ADAMTS20: variants seen among roughly 807,000 people sequenced by gnomAD.
ADAMTS20 encodes ADAM metallopeptidase with thrombospondin type 1 motif 20.
Under a neutral mutation model 260.1 loss-of-function variants are expected in ADAMTS20, and 225 were observed. That is an observed-to-expected ratio of 0.87 (90% CI 0.78 to 0.97). The LOEUF is 0.97. Among genes scored for constraint, ADAMTS20 ranks in the 50% least tolerant of loss-of-function variants. ADAMTS20 has a pLI of 0.00. For synonymous variants in ADAMTS20, 802 were observed against 769.5 expected (o/e 1.04, Z -0.70); for missense variants, 2,400 against 2,337.7 (o/e 1.03, Z -0.55).
chr12:43,493,209 G>T lies in ADAMTS20; in HGVS notation c.912C>A (p.His304Gln). The T allele has an allele frequency of 6.4e-7, 1 of 1,562,688 alleles. No homozygotes were observed. The highest frequency in any genetic ancestry group is 2.3e-5 in the East Asian group (1 of 42,890). Residue 304 changes from histidine (H) to glutamine (Q), a missense_variant, in exon 5 of 39, where the codon CAC becomes CAA. Coordinates refer to ENST00000389420, the MANE Select transcript of ADAMTS20 (RefSeq NM_025003.5). Reference protein sequence around the residue: ...YKDPSIGNLIHIVVVKLVMIH... With the variant: ...YKDPSIGNLIQIVVVKLVMIH... ...TCATAACTAATTTTACCACTACTATGTGTATCAAATTTCCAATACTTGGAT... is the reference window on the plus strand; with the variant it reads ...TCATAACTAATTTTACCACTACTATTTGTATCAAATTTCCAATACTTGGAT...
In ADAMTS20 at chr12:43,432,659, T is replaced by A; in HGVS notation, c.2873A>T (p.Gln958Leu). ...YCGDQLKPPT[Q>L]ELCHGNCVFT... Reference sequence around the variant, plus strand: ...GACACAGTTACCATGGCATAGTTCTTGGGTAGGAGGTTTAAGCTGGTCACC... The same window carrying A: ...GACACAGTTACCATGGCATAGTTCTAGGGTAGGAGGTTTAAGCTGGTCACC... The change falls in exon 20 of 39, where the codon CAA becomes CTA. Residue 958 changes from glutamine (Q) to leucine (L), a missense_variant. Gln to Leu is a moderately radical substitution (Grantham distance 113). Transcript: ENST00000389420. 6.2e-7 allele frequency: 1 copy of A among 1,613,984 alleles called. No individual in the cohort carries two copies. The highest frequency in any genetic ancestry group is 2.2e-5 in the East Asian group (1 of 44,868).
chr12:43,534,299 C>A (rs1943263825), intron 2 of ADAMTS20, among the ~76,000 whole-genome samples: 1 of 151,272 alleles, frequency 6.6e-6, no homozygotes, highest in African/African-American at 2.4e-5. Flanking sequence ...CAAACAACCC[C>A]ATCAAAAAGT....
At chr12:43,386,425 CT>C (rs1013561804) in intron 29 of ADAMTS20, among the ~76,000 whole-genome samples, 1 of 152,086 alleles carries the variant, frequency 6.6e-6, no homozygotes, top group African/African-American at 2.4e-5. Context: ...ACATTTTTTC[CT>C]TCATTTCAAC....
chr12:43,510,824 T>G (rs910967162), intron 3 of ADAMTS20, among the ~76,000 whole-genome samples: 3 of 152,032 alleles, frequency 2.0e-5, no homozygotes, highest in Non-Finnish European at 4.4e-5. Flanking sequence ...AAAATAATAA[T>G]AAGAATATAA....
intron 11 of ADAMTS20, among the ~76,000 whole-genome samples, chr12:43,460,225 CT>C: frequency 6.6e-6 from 1 of 152,316 alleles, no homozygotes; most frequent in East Asian, 1.9e-4. Flanking sequence ...TGCATTGGCT[CT>C]AAAGTAAATC....
intron 15 of ADAMTS20, among the ~76,000 whole-genome samples, chr12:43,446,140 A>C (rs2137338142): frequency 6.6e-6 from 1 of 152,300 alleles, no homozygotes; most frequent in East Asian, 1.9e-4. Flanking sequence ...AACATTTTCT[A>C]TGTACTATTA....
At chr12:43,382,854 A>T (rs1940383684) in intron 31 of ADAMTS20, among the ~76,000 whole-genome samples, 1 of 152,112 alleles carries the variant, frequency 6.6e-6, no homozygotes, top group Admixed American at 6.6e-5. Flanking sequence ...TGGGGATCAG[A>T]CATCAGAAAG....
intron 7 of ADAMTS20, among the ~76,000 whole-genome samples, chr12:43,474,937 G>A (rs1321280689): frequency 1.2e-5 from 1 of 80,714 alleles, no homozygotes. Flanking sequence ...CACAAGACAG[G>A]GATGCCCTCT....
At chr12:43,376,776 C>G in intron 32 of ADAMTS20, 123 bp from the exon 33 acceptor site, 2 of 1,096,686 alleles carry the variant, frequency 1.8e-6, no homozygotes, top group South Asian at 3.8e-5. Flanking sequence ...TGGCTAGATA[C>G]ACAGAAGACA....
chr12:43,353,554 A>G (rs1412927763), downstream of ADAMTS20, among the ~76,000 whole-genome samples: 1 of 152,006 alleles, frequency 6.6e-6, no homozygotes, highest in African/African-American at 2.4e-5. Flanking sequence ...AAAATTTTTT[A>G]TTTACTATTT....
At chr12:43,518,092 A>T (rs1943022879) in intron 3 of ADAMTS20, among the ~76,000 whole-genome samples, 1 of 152,030 alleles carries the variant, frequency 6.6e-6, no homozygotes, top group Admixed American at 6.6e-5. Flanking sequence ...TTAATGCTAT[A>T]TCCCAAAGTT....
intron 36 of ADAMTS20, among the ~76,000 whole-genome samples, chr12:43,371,081 ATGATC>A (rs1254834946): frequency 6.6e-6 from 1 of 152,182 alleles, no homozygotes; most frequent in Non-Finnish European, 1.5e-5. Context: ...ACTGTTCTTC[ATGATC>A]TGCTCCCTGC....
At chr12:43,422,425 A>G (rs1419437883) in intron 28 of ADAMTS20, among the ~76,000 whole-genome samples, 1 of 151,996 alleles carries the variant, frequency 6.6e-6, no homozygotes, top group African/African-American at 2.4e-5. Flanking sequence ...TCTAATATGC[A>G]CCAACACTGA....
chr12:43,466,850 G>A, intron 8 of ADAMTS20, 55 bp from the exon 9 acceptor site: 1 of 1,292,392 alleles, frequency 7.7e-7, no homozygotes, highest in African/African-American at 1.5e-5. Context: ...TACGATATTA[G>A]TAATAGATCC....
chr12:43,540,515 AT>A (rs1943362104), intron 2 of ADAMTS20, among the ~76,000 whole-genome samples: 1 of 152,202 alleles, frequency 6.6e-6, no homozygotes, highest in African/African-American at 2.4e-5. Flanking sequence ...TCTATAACCT[AT>A]CCCATTGCAG....
chr12:43,378,447 T>C (rs1223681540), intron 31 of ADAMTS20, among the ~76,000 whole-genome samples: 1 of 152,118 alleles, frequency 6.6e-6, no homozygotes, highest in Non-Finnish European at 1.5e-5. Context: ...GACTGGAAAA[T>C]TTAAATACAT....
At chr12:43,429,230 A>G (rs1407063685) in intron 24 of ADAMTS20, among the ~76,000 whole-genome samples, 1 of 152,142 alleles carries the variant, frequency 6.6e-6, no homozygotes, top group East Asian at 1.9e-4. Flanking sequence ...ATATTCTACA[A>G]GATTTTAGCA....
intron 3 of ADAMTS20, among the ~76,000 whole-genome samples, chr12:43,508,516 C>A (rs1592102871): frequency 6.6e-6 from 1 of 152,120 alleles, no homozygotes; most frequent in Non-Finnish European, 1.5e-5. Context: ...AGTTAATGAA[C>A]AAAATCTAGC....
intron 4 of ADAMTS20, among the ~76,000 whole-genome samples, chr12:43,501,201 G>A (rs1048133834): frequency 7.3e-5 from 11 of 151,590 alleles, no homozygotes; most frequent in African/African-American, 1.9e-4. Flanking sequence ...TGGGATTATA[G>A]GCATTCACCA....
Sources: allele counts gnomAD v4.1 joint callset (sites outside exome capture counted in the v4.1 genomes callset), GRCh38; gene constraint gnomAD v4.1.1; transcripts MANE v1.5; gene names NCBI Gene and HGNC (gene_info 2026-07-23, HGNC 2026-07-21).